Variants in RYR2 observed in about 807,000 individuals in gnomAD.
RYR2 encodes the protein ryanodine receptor 2, also known as cardiac muscle ryanodine receptor-calcium release channel.
RYR2 carries 227 observed loss-of-function variants against 601.1 expected under a neutral mutation model. The observed-to-expected ratio is 0.38, with a 90% CI of 0.34 to 0.42. RYR2 has a LOEUF of 0.42. Among genes scored for constraint, RYR2 ranks in the 10% least tolerant of loss-of-function variants. The pLI is 1.00. For synonymous variants in RYR2, 2,223 were observed against 2,175.1 expected, an observed-to-expected ratio of 1.02 and a Z score of -0.61; for missense variants, 4,646 against 6,156.5, an observed-to-expected ratio of 0.75 and a Z score of 8.21.
At chr1:237,135,837 C>T (rs1038518975) in intron 1 of RYR2, among the ~76,000 whole-genome samples, 2 of 152,188 alleles carry the variant, frequency 1.3e-5, no homozygotes, top group African/African-American at 4.8e-5. Context: ...TGAATGCAGC[C>T]TTTTGAGTGG....
At chr1:237,325,420 C>T (rs966869360) in intron 2 of RYR2, among the ~76,000 whole-genome samples, 2 of 152,036 alleles carry the variant, frequency 1.3e-5, no homozygotes, top group Admixed American at 6.6e-5. Flanking sequence ...ATAGGCCAGG[C>T]GTGGTGGCCT....
intron 25 of RYR2, among the ~76,000 whole-genome samples, chr1:237,543,515 T>C (rs978827159): frequency 1.3e-5 from 2 of 152,232 alleles, no homozygotes; most frequent in Non-Finnish European, 2.9e-5. Flanking sequence ...GTCTCTGGTG[T>C]GCAGTCATCT....
At chr1:237,182,649 A>G (rs1678907030) in intron 1 of RYR2, among the ~76,000 whole-genome samples, 1 of 152,200 alleles carries the variant, frequency 6.6e-6, no homozygotes, top group African/African-American at 2.4e-5. Context: ...AAATACATCC[A>G]TGGAAATCCT....
At chr1:237,807,351 C>A (rs536535147) in intron 99 of RYR2, among the ~76,000 whole-genome samples, 1 of 151,986 alleles carries the variant, frequency 6.6e-6, no homozygotes, top group African/African-American at 2.4e-5. Flanking sequence ...ATCAAATTTT[C>A]TTTGTTTGTT....
intron 1 of RYR2, among the ~76,000 whole-genome samples, chr1:237,214,473 A>G (rs1256006850): frequency 1.3e-5 from 2 of 152,144 alleles, no homozygotes; most frequent in Non-Finnish European, 2.9e-5. Context: ...GGAGAGAGGA[A>G]GGAAATGAGG....
intron 84 of RYR2, among the ~76,000 whole-genome samples, chr1:237,768,382 T>G (rs1237667646): frequency 2.0e-5 from 3 of 152,172 alleles, no homozygotes; most frequent in African/African-American, 4.8e-5. Flanking sequence ...GGGTACGTGT[T>G]ATCTTTATTT....
chr1:237,391,924 C>G (rs1702419833), intron 10 of RYR2, among the ~76,000 whole-genome samples: 3 of 152,006 alleles, frequency 2.0e-5, no homozygotes, highest in South Asian at 2.1e-4. Flanking sequence ...TGGATTGAAT[C>G]CTGACGTGTT....
chr1:237,500,625 T>G, intron 20 of RYR2, 86 bp from the exon 21 acceptor site: 2 of 1,156,358 alleles, frequency 1.7e-6, no homozygotes, highest in South Asian at 3.2e-5. Flanking sequence ...TGTCACTACT[T>G]ATTCAAATCT....
Position 237,830,648 on chromosome 1 carries a change from A to C in RYR2, c.14756+18A>C. On this transcript the variant is annotated intron_variant, in intron 103 of 104. Coordinates refer to ENST00000366574, the MANE Select transcript of RYR2 (RefSeq NM_001035.3). ...AATTACTTGTGAGTGTGCCCGTTTC[A>C]GAATCTTCCACCTCTCCAGTAGACG... is the stretch of plus-strand genomic sequence containing the variant. 1 of 1,336,130 alleles carries C rather than the reference A, an allele frequency of 7.5e-7. No individual in the cohort carries two copies. The highest frequency in any genetic ancestry group is 1.1e-6 in the Non-Finnish European group (1 of 928,208). The allele number at this position is 1,336,130 out of a possible 1,614,324, so 82.8% of individuals were successfully genotyped here.
chr1:237,489,886 A>G (rs1337899391), intron 17 of RYR2, among the ~76,000 whole-genome samples: 1 of 152,222 alleles, frequency 6.6e-6, no homozygotes, highest in African/African-American at 2.4e-5. Flanking sequence ...TCATCAATCT[A>G]GGTACCCATC....
rs575310499 is a variant in RYR2 at position 237,170,101 on chromosome 1, G to T, written c.49-100396G>T. Among the ~76,000 whole-genome samples the T allele has an allele frequency of 5.3e-5, 8 of 152,286 alleles. No homozygotes were observed. The South Asian group carries it at 1.5e-3, about 28-fold the overall frequency. ...AGAATAAGCAAACAAGGTATTTGCAGGCAGCATTTTGTTGTAAAGAAAAAA... is the reference window on the plus strand; with the variant it reads ...AGAATAAGCAAACAAGGTATTTGCATGCAGCATTTTGTTGTAAAGAAAAAA... On this transcript the variant is annotated intron_variant, in intron 1 of 104. Coordinates refer to ENST00000366574, the MANE Select transcript of RYR2 (RefSeq NM_001035.3).
At chr1:237,482,434 C>A (rs909527456) in intron 17 of RYR2, among the ~76,000 whole-genome samples, 1 of 151,908 alleles carries the variant, frequency 6.6e-6, no homozygotes, top group African/African-American at 2.4e-5. Context: ...TTAGATCTCG[C>A]AAATAAGTGA....
At chr1:237,127,645 G>A (rs531401747) in intron 1 of RYR2, among the ~76,000 whole-genome samples, 112 of 149,308 alleles carry the variant, frequency 7.5e-4, no homozygotes, top group Admixed American at 2.7e-3. Context: ...GCTGCCGGGC[G>A]GAGGGTCTCC....
At chr1:237,740,425 A>AT (rs900721974) in intron 79 of RYR2, among the ~76,000 whole-genome samples, 2 of 152,152 alleles carry the variant, frequency 1.3e-5, no homozygotes, top group African/African-American at 2.4e-5. Context: ...TCCTAGGAAG[A>AT]TTTTTTTAAA....
intron 1 of RYR2, among the ~76,000 whole-genome samples, chr1:237,247,929 CA>C (rs1378152470): frequency 2.6e-5 from 4 of 152,016 alleles, no homozygotes; most frequent in Admixed American, 2.6e-4. Flanking sequence ...ACCTCAACTA[CA>C]AAACAGGAGG....
intron 1 of RYR2, among the ~76,000 whole-genome samples, chr1:237,164,143 T>C (rs943534550): frequency 2.0e-5 from 3 of 152,204 alleles, no homozygotes; most frequent in Admixed American, 1.3e-4. Context: ...AAAAATTAGA[T>C]GGGCGTGGTG....
chr1:237,533,475 G>C (rs1202886971), intron 25 of RYR2, among the ~76,000 whole-genome samples: 2 of 152,056 alleles, frequency 1.3e-5, no homozygotes, highest in Non-Finnish European at 2.9e-5. Context: ...ATGTTATTTG[G>C]AATAGCTAAA....
intron 1 of RYR2, among the ~76,000 whole-genome samples, chr1:237,133,563 T>C (rs1465040150): frequency 6.6e-6 from 1 of 152,178 alleles, no homozygotes; most frequent in African/African-American, 2.4e-5. Flanking sequence ...AGAAAACATA[T>C]AGATACTGTA....
At chr1:237,189,635 T>C (rs1185346184) in intron 1 of RYR2, among the ~76,000 whole-genome samples, 2 of 152,194 alleles carry the variant, frequency 1.3e-5, no homozygotes, top group African/African-American at 4.8e-5. Flanking sequence ...AAGGTGGCAG[T>C]CTGCCACCTG....
Sources: allele counts gnomAD v4.1 joint callset (sites outside exome capture counted in the v4.1 genomes callset), GRCh38; gene constraint gnomAD v4.1.1; transcripts MANE v1.5; gene names NCBI Gene and HGNC (gene_info 2026-07-23, HGNC 2026-07-21).